TMPRSS11A: variants seen among roughly 807,000 people sequenced by gnomAD.
TMPRSS11A encodes transmembrane serine protease 11A.
Under a neutral mutation model 58.9 loss-of-function variants are expected in TMPRSS11A, and 53 were observed. The observed-to-expected ratio is 0.90, with a 90% CI of 0.72 to 1.13. TMPRSS11A has a LOEUF of 1.13. TMPRSS11A is among the 50% of genes most tolerant of loss of function. TMPRSS11A has a pLI of 0.00. For synonymous variants in TMPRSS11A, 167 were observed against 169.8 expected (o/e 0.98, Z 0.13); for missense variants, 493 against 499.3 (o/e 0.99, Z 0.12).
intron 8 of TMPRSS11A, among the ~76,000 whole-genome samples, chr4:67,916,694 G>A (rs1720156669): frequency 1.3e-5 from 2 of 152,140 alleles, no homozygotes; most frequent in Non-Finnish European, 2.9e-5. Context: ...GGGCATGGTG[G>A]TGGGCGCCTG....
intron 2 of TMPRSS11A, among the ~76,000 whole-genome samples, chr4:67,945,691 C>A (rs555644172): frequency 6.6e-6 from 1 of 152,250 alleles, no homozygotes; most frequent in East Asian, 1.9e-4. Context: ...AAGGTGACAG[C>A]AGATAAGAGC....
At chr4:67,962,815 A>G (rs74804690) in intron 1 of TMPRSS11A, among the ~76,000 whole-genome samples, 2,767 of 152,294 alleles carry the variant, frequency 0.018, 73 homozygotes, top group African/African-American at 0.061. Flanking sequence ...TTCAAAACGT[A>G]ATAGGAAGAA....
At chr4:67,946,329 A>G (rs1350748076) in intron 2 of TMPRSS11A, 121 bp downstream of exon 2, 2 of 966,466 alleles carry the variant, frequency 2.1e-6, no homozygotes, top group Non-Finnish European at 2.9e-6. Flanking sequence ...AGTTAAATAT[A>G]CTCTGTGGAA....
At chr4:67,918,950 G>C in intron 8 of TMPRSS11A, 23 bp downstream of exon 8, 2 of 1,613,326 alleles carry the variant, frequency 1.2e-6, no homozygotes, top group East Asian at 2.2e-5. Flanking sequence ...TTAGCGCTCT[G>C]TTAGCTATCC....
intron 1 of TMPRSS11A, among the ~76,000 whole-genome samples, chr4:67,952,646 A>T (rs1289510022): frequency 1.3e-5 from 2 of 152,240 alleles, no homozygotes; most frequent in Non-Finnish European, 2.9e-5. Flanking sequence ...ATAAGTGTGT[A>T]TGGAAAAATC....
intron 1 of TMPRSS11A, among the ~76,000 whole-genome samples, chr4:67,953,093 T>C (rs1012199787): frequency 3.9e-5 from 6 of 152,120 alleles, no homozygotes; most frequent in African/African-American, 1.4e-4. Context: ...CAGTTTACAA[T>C]AGGGTTCATG....
intron 1 of TMPRSS11A, among the ~76,000 whole-genome samples, chr4:67,958,757 T>TC (rs1286425550): frequency 3.3e-5 from 5 of 152,146 alleles, no homozygotes; most frequent in African/African-American, 1.2e-4. Flanking sequence ...GGCAAAATGA[T>TC]ATGGTTTGGC....
chr4:67,954,865 A>T (rs1032931843), intron 1 of TMPRSS11A, among the ~76,000 whole-genome samples: 1 of 152,188 alleles, frequency 6.6e-6, no homozygotes, highest in African/African-American at 2.4e-5. Context: ...AATAAAATTG[A>T]TACCTATCTC....
intron 7 of TMPRSS11A, among the ~76,000 whole-genome samples, chr4:67,921,186 C>CA (rs1720320814): frequency 6.6e-6 from 1 of 152,080 alleles, no homozygotes. Flanking sequence ...CTATCTACCA[C>CA]AAAAATGGCT....
At chr4:67,933,582 T>G (rs986296264) in intron 3 of TMPRSS11A, among the ~76,000 whole-genome samples, 6 of 152,180 alleles carry the variant, frequency 3.9e-5, no homozygotes, top group Non-Finnish European at 8.8e-5. Flanking sequence ...GTATCCAAAA[T>G]ATGTCTTTAT....
In TMPRSS11A at chr4:67,922,943, T is replaced by A. The variant is rs996450425; in HGVS notation, c.521-17A>T. On this transcript the variant is annotated splice_polypyrimidine_tract_variant and intron_variant, in intron 6 of 9. Transcript: ENST00000508048. ...TACCACAACCTGAAAAAAGATGAGA[T>A]CATTAAGTTATAAGAAACATCTTGT... 1.9e-6 allele frequency: 3 copies of A among 1,612,036 alleles called. No individual in the cohort carries two copies. Among genetic ancestry groups the A allele is most frequent in the Non-Finnish European group, 2.5e-6 (3 of 1,178,382 alleles).
chr4:67,917,839 AT>A (rs1451090938), intron 8 of TMPRSS11A, among the ~76,000 whole-genome samples: 1 of 152,236 alleles, frequency 6.6e-6, no homozygotes, highest in South Asian at 2.1e-4. Context: ...GAGAAAATCC[AT>A]CCAAGAGAGT....
chr4:67,914,730 C>G lies in TMPRSS11A; in HGVS notation c.953G>C (p.Gly318Ala). Reference protein sequence around the residue: ...ITGFGALYYGGESQNDLREAR... With the variant: ...ITGFGALYYGAESQNDLREAR... ...TTCTCGGAGATCATTTTGGGATTCC[C>G]CTTAAGGAAAAATAGAGTTATTCTA... Residue 318 changes from glycine to alanine, a missense_variant and splice_region_variant, in exon 9 of 10, where the codon GGG (glycine) becomes GCG (alanine). By Grantham distance (60) the Gly-to-Ala change is moderately conservative (BLOSUM62 0). Transcript: ENST00000508048. The G allele has an allele frequency of 6.2e-7, 1 of 1,610,654 alleles. No individual in the cohort carries two copies. The highest frequency in any genetic ancestry group is 8.5e-7 in the Non-Finnish European group (1 of 1,178,482).
chr4:67,951,863 C>A (rs1012771347), intron 1 of TMPRSS11A, among the ~76,000 whole-genome samples: 3 of 152,162 alleles, frequency 2.0e-5, no homozygotes, highest in African/African-American at 7.2e-5. Flanking sequence ...TTCCCTTTTC[C>A]TAGCCTAGGA....
chr4:67,961,482 CCTTTTTTTTTTTTTT>C (rs1721419832), intron 1 of TMPRSS11A, among the ~76,000 whole-genome samples: 1,168 of 102,346 alleles, frequency 0.011, 52 homozygotes, highest in African/African-American at 0.026. Flanking sequence ...CTTTTCTTTT[CCTTTTTTTTTTTTTT>C]TTTTTTTTTT....
intron 1 of TMPRSS11A, among the ~76,000 whole-genome samples, chr4:67,949,572 A>G (rs1162985769): frequency 6.6e-6 from 1 of 152,176 alleles, no homozygotes; most frequent in African/African-American, 2.4e-5. Context: ...ACAAAAATGT[A>G]TCACCACCGG....
chr4:67,960,831 A>G (rs1376734402), intron 1 of TMPRSS11A, among the ~76,000 whole-genome samples: 1 of 152,188 alleles, frequency 6.6e-6, no homozygotes, highest in East Asian at 1.9e-4. Flanking sequence ...GTGATGAGGA[A>G]GAGGAGAATT....
chr4:67,952,587 G>A (rs1577871673), intron 1 of TMPRSS11A, among the ~76,000 whole-genome samples: 1 of 152,198 alleles, frequency 6.6e-6, no homozygotes, highest in South Asian at 2.1e-4. Flanking sequence ...CCCCACAGAG[G>A]TTCCCATAAT....
intron 3 of TMPRSS11A, among the ~76,000 whole-genome samples, chr4:67,942,679 A>T (rs1327680101): frequency 6.6e-6 from 1 of 152,176 alleles, no homozygotes; most frequent in Admixed American, 6.5e-5. Context: ...ACCTGCACCA[A>T]TTGGTCAAGT....
Sources: allele counts gnomAD v4.1 joint callset (sites outside exome capture counted in the v4.1 genomes callset), GRCh38; gene constraint gnomAD v4.1.1; transcripts MANE v1.5; gene names NCBI Gene and HGNC (gene_info 2026-07-23, HGNC 2026-07-21).